The following MSRA variants were observed in gnomAD, a reference collection of about 807,000 sequenced individuals.
MSRA encodes mitochondrial peptide methionine sulfoxide reductase.
MSRA carries 54 observed loss-of-function variants against 31.3 expected under a neutral mutation model. That is an observed-to-expected ratio of 1.73 (90% confidence interval 1.39 to 2.17). The LOEUF (loss-of-function observed/expected upper bound fraction) is 2.17. MSRA is among the 30% of genes most tolerant of loss of function. The pLI is 0.00. For synonymous variants in MSRA, 169 were observed against 116.5 expected (o/e 1.45, Z -2.90); for missense variants, 507 against 300.9 (o/e 1.69, Z -5.07).
chr8:10,244,547 A>G (rs1489835269), intron 2 of MSRA, among the ~76,000 whole-genome samples: 3 of 152,174 alleles, frequency 2.0e-5, no homozygotes, highest in African/African-American at 7.2e-5. Flanking sequence ...AGAAAAATTT[A>G]CTTTTGGGTA....
intron 3 of MSRA, among the ~76,000 whole-genome samples, chr8:10,247,673 T>C (rs867655516): frequency 2.0e-5 from 3 of 152,092 alleles, no homozygotes; most frequent in Admixed American, 6.6e-5. Flanking sequence ...AACAGTAGCA[T>C]TGGGAAGCAT....
intron 3 of MSRA, among the ~76,000 whole-genome samples, chr8:10,273,729 T>C (rs78968699): frequency 4.2e-4 from 64 of 152,318 alleles, no homozygotes; most frequent in African/African-American, 1.5e-3. Flanking sequence ...TTATTGTGGC[T>C]CTGTGAATGT....
chr8:10,179,023 C>T (rs1490241970), intron 1 of MSRA, among the ~76,000 whole-genome samples: 4 of 152,074 alleles, frequency 2.6e-5, no homozygotes, highest in African/African-American at 4.8e-5. Flanking sequence ...TCTGTTGATT[C>T]GTGAGCACTA....
At chr8:10,175,027 C>T (rs115340850) in intron 1 of MSRA, among the ~76,000 whole-genome samples, 80 of 152,278 alleles carry the variant, frequency 5.3e-4, no homozygotes, top group African/African-American at 1.7e-3. Context: ...CTGACTCATC[C>T]GTCCCTTGTG....
chr8:10,095,495 G>A (rs2128929473), intron 1 of MSRA: 1 of 985,474 alleles, frequency 1.0e-6, no homozygotes. Flanking sequence ...CAGACAGACT[G>A]GCACAGCCTG....
At position 10,428,364 on chromosome 8, in the gene MSRA, A is replaced by C. The variant is rs1364025839; in HGVS notation, c.*52A>C. 1 of 1,568,694 alleles carries C rather than the reference A, an allele frequency of 6.4e-7. No individual in the cohort carries two copies. Among genetic ancestry groups the C allele is most frequent in the South Asian group, 1.1e-5 (1 of 88,024 alleles). On this transcript the variant is annotated 3_prime_UTR_variant, in exon 6 of 6. Coordinates refer to ENST00000317173, the MANE Select transcript of MSRA (RefSeq NM_012331.5). ...GGTTCCAGTAAAAATGCTTTCAACA[A>C]ATTGGGCAATGCTTGTGTGATTCAC...
At chr8:10,417,754 T>TGTGTGTGTGTGTGTGTGTGTGTGTG (rs1808557325) in intron 5 of MSRA, among the ~76,000 whole-genome samples, 5 of 129,842 alleles carry the variant, frequency 3.9e-5, no homozygotes, top group African/African-American at 1.4e-4. Context: ...AACCTGCATG[T>TGTGTGTGTGTGTGTGTGTGTGTGTG]TGTGTGTGTG....
chr8:10,077,789 C>G lies in MSRA; in HGVS notation c.142+23131C>G, dbSNP rs1798067525. On this transcript the variant is annotated intron_variant, in intron 1 of 5. Coordinates refer to ENST00000317173, the MANE Select transcript of MSRA (RefSeq NM_012331.5). ...CCTCAGTGCCACATGGAATCTGGAC[C>G]TGGCAATTTCTTGCTATCCATTTAG... 2.0e-5 allele frequency among the ~76,000 whole-genome samples: 3 copies of G among 152,224 alleles called. 1 individual carries two copies. In the South Asian group the frequency reaches 6.2e-4, roughly 32 times the overall value.
chr8:10,077,173 G>A (rs543073580), intron 1 of MSRA, among the ~76,000 whole-genome samples: 1 of 152,274 alleles, frequency 6.6e-6, no homozygotes, highest in Admixed American at 6.5e-5. Context: ...TGGATGGTCG[G>A]CCACAGCCAT....
intron 1 of MSRA, among the ~76,000 whole-genome samples, chr8:10,131,824 A>T (rs886159963): frequency 6.6e-6 from 1 of 152,210 alleles, no homozygotes; most frequent in Non-Finnish European, 1.5e-5. Flanking sequence ...AGGGAAATGG[A>T]GAACACTTTT....
At chr8:10,165,791 C>T (rs188459995) in intron 1 of MSRA, among the ~76,000 whole-genome samples, 37 of 152,268 alleles carry the variant, frequency 2.4e-4, no homozygotes, top group Admixed American at 7.8e-4. Flanking sequence ...GATTGCAGCA[C>T]GGGTGAAAAG....
intron 1 of MSRA, among the ~76,000 whole-genome samples, chr8:10,156,020 G>A (rs187317080): frequency 2.9e-4 from 44 of 152,252 alleles, no homozygotes; most frequent in Admixed American, 2.2e-3. Context: ...CAGGTTTGGC[G>A]TCACTAATGG....
intron 3 of MSRA, among the ~76,000 whole-genome samples, chr8:10,262,211 C>A (rs2129094342): frequency 6.6e-6 from 1 of 152,294 alleles, no homozygotes; most frequent in East Asian, 1.9e-4. Context: ...TTTATGTGCA[C>A]ATAAGTTTTT....
intron 3 of MSRA, among the ~76,000 whole-genome samples, chr8:10,259,998 C>A (rs1458121731): frequency 6.6e-6 from 1 of 152,242 alleles, no homozygotes; most frequent in East Asian, 1.9e-4. Flanking sequence ...GAGAAGAGGC[C>A]TGGACCTGCG....
Position 10,054,467 on chromosome 8 carries a change from G to A in MSRA, c.-50G>A, listed in dbSNP as rs748070367. ...TCTCTGCCGTTCCGGCTGCGGCTCCGCTGCCGGTAGCGCCGTCCCCCGGGA... is the reference window on the plus strand; with the variant it reads ...TCTCTGCCGTTCCGGCTGCGGCTCCACTGCCGGTAGCGCCGTCCCCCGGGA... On this transcript the variant is annotated 5_prime_UTR_variant, in exon 1 of 6. Transcript: ENST00000317173. 75 of 1,419,334 alleles carry A rather than the reference G, an allele frequency of 5.3e-5. 2 individuals carry two copies. In the South Asian group the frequency reaches 8.8e-4, roughly 17 times the overall value. 87.9% of individuals were successfully genotyped at this position (1,419,334 alleles called of 1,614,324 possible). A position where few individuals can be genotyped will look rare whatever the true frequency, so the allele number is the denominator to read the frequency against.
intron 1 of MSRA, among the ~76,000 whole-genome samples, chr8:10,061,935 A>G (rs1270800267): frequency 1.3e-5 from 2 of 152,206 alleles, no homozygotes; most frequent in Non-Finnish European, 2.9e-5. Context: ...AGCTCAGTGC[A>G]GTCCACGTGG....
chr8:10,395,358 A>G (rs1313493065), intron 5 of MSRA, among the ~76,000 whole-genome samples: 1 of 152,292 alleles, frequency 6.6e-6, no homozygotes, highest in African/African-American at 2.4e-5. Flanking sequence ...GTGAACCGCC[A>G]TGTTCACTAA....
intron 3 of MSRA, among the ~76,000 whole-genome samples, chr8:10,285,214 C>A (rs1349767484): frequency 1.3e-5 from 2 of 152,190 alleles, no homozygotes; most frequent in African/African-American, 4.8e-5. Context: ...TCTGCATCCG[C>A]CTTCTCCGAG....
At chr8:10,125,410 A>G (rs989845328) in intron 1 of MSRA, among the ~76,000 whole-genome samples, 1 of 152,200 alleles carries the variant, frequency 6.6e-6, no homozygotes, top group Non-Finnish European at 1.5e-5. Flanking sequence ...GGAGTTAGCT[A>G]TGGAGAAGAA....
Sources: gnomAD v4.1 joint callset for allele counts (sites outside exome capture counted in the v4.1 genomes callset) on GRCh38, gnomAD v4.1.1 for gene constraint, MANE v1.5 for transcripts, NCBI Gene and HGNC (gene_info 2026-07-23, HGNC 2026-07-21) for gene names.